Variants in PSG9 observed in about 807,000 individuals in gnomAD.
PSG9 encodes pregnancy specific beta-1-glycoprotein 9, also known as pregnancy-specific beta-1-glycoprotein 9.
A neutral mutation model predicts 41.9 loss-of-function variants in PSG9; 49 were observed. That is an observed-to-expected ratio of 1.17 (90% CI 0.93 to 1.48). PSG9 has a LOEUF of 1.48. Ranked by LOEUF, PSG9 falls within the 40% of genes most tolerant of loss-of-function variation. The pLI is 0.00. For synonymous variants in PSG9, 263 were observed against 196.8 expected (o/e 1.34, Z -2.82); for missense variants, 641 against 520.3 (o/e 1.23, Z -2.26).
At position 43,258,536 on chromosome 19, in the gene PSG9, A is replaced by C. The variant is rs947329010; in HGVS notation, c.989-80T>G. ...CCTGGTCTCTTAAAGGGACACAGTG[A>C]CCCTCTGAGCCAAGACACACCCTCA... On this transcript the variant is annotated intron_variant, in intron 4 of 5. Transcript: ENST00000270077. 467 of 1,498,054 alleles carry C rather than the reference A, an allele frequency of 3.1e-4. 39 individuals carry two copies. The highest frequency in any genetic ancestry group is 3.6e-4 in the Non-Finnish European group (408 of 1,131,286). 92.8% of individuals were successfully genotyped at this position (1,498,054 alleles called of 1,614,324 possible).
At chr19:43,265,809 A>C (rs1442353221) in intron 2 of PSG9, among the ~76,000 whole-genome samples, 6 of 152,280 alleles carry the variant, frequency 3.9e-5, no homozygotes, top group Non-Finnish European at 7.4e-5. Context: ...CACAGGTCAG[A>C]CTGACAAAGG....
Position 43,259,035 on chromosome 19 carries a change from G to C in PSG9, c.810C>G (p.Thr270=), listed in dbSNP as rs1268420418. The C allele has an allele frequency of 1.3e-6, 2 of 1,590,828 alleles. No individual in the cohort carries two copies. The highest frequency in any genetic ancestry group is 1.7e-6 in the Non-Finnish European group (2 of 1,174,506). ...TCTGACCGTTTAGCCACCAAATGTA[G>C]GTGTAGTTCTCACTCTTAGGTTCAC... is the stretch of plus-strand genomic sequence containing the variant. ...FTCEPKSENY[T]YIWWLNGQSL... The change falls in exon 4 of 6, where the codon ACC becomes ACG. Residue 270 remains threonine (T), a synonymous_variant. Coordinates refer to ENST00000270077, the MANE Select transcript of PSG9 (RefSeq NM_002784.5).
At chr19:43,262,453 A>C (rs2072288) in intron 2 of PSG9, among the ~76,000 whole-genome samples, 30,587 of 152,006 alleles carry the variant, frequency 0.2, 3,851 homozygotes, top group East Asian at 0.48. Flanking sequence ...CAACTGCCTG[A>C]CTGGCCCAAC....
chr19:43,261,809 A>G (rs1319692342), intron 3 of PSG9, 51 bp downstream of exon 3: 7 of 1,613,900 alleles, frequency 4.3e-6, no homozygotes, highest in Admixed American at 1.7e-5. Context: ...GCCTCTGGCC[A>G]TGTGTATTTG....
intron 2 of PSG9, among the ~76,000 whole-genome samples, chr19:43,267,393 G>C (rs1410319627): frequency 6.6e-6 from 1 of 152,086 alleles, no homozygotes; most frequent in East Asian, 1.9e-4. Context: ...CAGGGGTCTG[G>C]GGTTGAGGCT....
In PSG9 at chr19:43,261,887, T is replaced by C. The variant is rs1259541614; in HGVS notation, c.682A>G (p.Ser228Gly). 1.9e-6 allele frequency: 3 copies of C among 1,613,940 alleles called. No homozygotes were observed. The highest frequency in any genetic ancestry group is 1.7e-6 in the Non-Finnish European group (2 of 1,179,946). The change falls in exon 3 of 6, where the codon AGT becomes GGT. Residue 228 changes from serine (S) to glycine (G), a missense_variant. Ser to Gly is a moderately conservative substitution (Grantham distance 56). Coordinates refer to ENST00000270077, the MANE Select transcript of PSG9 (RefSeq NM_002784.5). The stretch of plus-strand genomic sequence containing the variant: ...AGGAGATTCAGGGTGACTGGGTCAC[T>C]GCGACTGGCACTCACTGGGTTCCGT... ...EIRNPVSASR[S>G]DPVTLNLLPK...
intron 3 of PSG9, among the ~76,000 whole-genome samples, chr19:43,260,978 C>T (rs1045904941): frequency 3.3e-5 from 5 of 152,130 alleles, no homozygotes; most frequent in Non-Finnish European, 7.4e-5. Context: ...GAATTGAAAT[C>T]CTTTCCTTAA....
At chr19:43,266,843 G>A (rs1968992907) in intron 2 of PSG9, among the ~76,000 whole-genome samples, 2 of 152,044 alleles carry the variant, frequency 1.3e-5, no homozygotes, top group South Asian at 2.1e-4. Context: ...TGTGACTCTG[G>A]TTCAGTGACT....
chr19:43,258,560 C>G, intron 4 of PSG9, 104 bp from the exon 5 acceptor site: 1 of 1,469,506 alleles, frequency 6.8e-7, no homozygotes, highest in African/African-American at 1.5e-5. Flanking sequence ...GACACACCCT[C>G]AAGTCCCAGC....
intron 4 of PSG9, among the ~76,000 whole-genome samples, 197 bp from the exon 5 acceptor site, chr19:43,258,653 C>T (rs1164257608): frequency 1.4e-5 from 2 of 146,170 alleles, no homozygotes; most frequent in Admixed American, 6.8e-5. Flanking sequence ...CCAAGTCTCC[C>T]ATGACAAGAG....
rs534812305 is a variant in PSG9, at chr19:43,265,704, AT to A, written c.430+2079del. Among the ~76,000 whole-genome samples, 459 of 151,996 alleles carry A rather than the reference AT, an allele frequency of 3.0e-3. 4 individuals are homozygous for A. The highest frequency in any genetic ancestry group is 0.011 in the African/African-American group (442 of 41,424). ...CCGACTACAGACCACCATTTCAATA[AT>A]TTTTTTTGTGTGTGTGTGCAGGAGG... On this transcript the variant is annotated intron_variant, in intron 2 of 5. Transcript: ENST00000270077.
At position 43,262,062 on chromosome 19, in the gene PSG9, A is replaced by G. The variant is rs1968746406; in HGVS notation, c.507T>C (p.Cys169=). 6.2e-7 allele frequency: 1 copy of G among 1,613,872 alleles called. No homozygotes were observed. Among genetic ancestry groups the G allele is most frequent in the African/African-American group, 1.3e-5 (1 of 74,886 alleles). ...REAMEAVRLI[C]DPETLDASYL... ...AGCTTGCGTCCAGAGTCTCAGGATC[A>G]CAGATTAAGCGCACAGCCTCCATGG... The change falls in exon 3 of 6, where the codon TGT becomes TGC. Residue 169 remains cysteine, a synonymous_variant. Coordinates refer to ENST00000270077, the MANE Select transcript of PSG9 (RefSeq NM_002784.5).
At chr19:43,266,675 A>C (rs1275675823) in intron 2 of PSG9, among the ~76,000 whole-genome samples, 1 of 151,522 alleles carries the variant, frequency 6.6e-6, no homozygotes, top group Non-Finnish European at 1.5e-5. Flanking sequence ...ATTTGCTCTC[A>C]CTCCTCTGAG....
At position 43,258,154 on chromosome 19, in the gene PSG9, T is replaced by G. The variant is rs764862582; in HGVS notation, c.1243+48A>C. On this transcript the variant is annotated intron_variant, in intron 5 of 5. Transcript: ENST00000270077. ...TCCTGACTCTTCTCTGAAAGCCAGA[T>G]AGACTCCACATAAAACCCTACTGCC... 1.2e-5 allele frequency: 19 copies of G among 1,591,862 alleles called. 4 individuals are homozygous for G. Among genetic ancestry groups the G allele is most frequent in the South Asian group, 7.8e-5 (7 of 89,908 alleles).
intron 1 of PSG9, 128 bp downstream of exon 1, chr19:43,269,240 G>C (rs539099186): frequency 9.4e-6 from 14 of 1,491,480 alleles, no homozygotes; most frequent in South Asian, 8.1e-5. Context: ...TCCTGATCTC[G>C]TGATCCACCC....
At chr19:43,267,245 C>T (rs1033611454) in intron 2 of PSG9, among the ~76,000 whole-genome samples, 1 of 152,114 alleles carries the variant, frequency 6.6e-6, no homozygotes, top group Non-Finnish European at 1.5e-5. Context: ...GAGGGCTGAG[C>T]CCTGGCTGGT....
chr19:43,261,785 G>A, intron 3 of PSG9, 75 bp downstream of exon 3: 3 of 1,613,778 alleles, frequency 1.9e-6, no homozygotes, highest in South Asian at 2.2e-5. Flanking sequence ...ACCTGAGAGG[G>A]ACTGAGAGGC....
Position 43,253,566 on chromosome 19 carries a change from A to G in PSG9, c.*43T>C. 1.5e-6 allele frequency: 1 copy of G among 675,036 alleles called. No individual in the cohort carries two copies. 41.8% of individuals were successfully genotyped at this position (675,036 alleles called of 1,614,324 possible). A position where few individuals can be genotyped will look rare whatever the true frequency, so the allele number is the denominator to read the frequency against. Reference sequence around the variant, plus strand: ...TTCTTCTTTGTCTTGAATTTCATGAAGGTATCAGCCTGTTCTTTTTCTCAG... The same window carrying G: ...TTCTTCTTTGTCTTGAATTTCATGAGGGTATCAGCCTGTTCTTTTTCTCAG... On this transcript the variant is annotated 3_prime_UTR_variant, in exon 6 of 6. Coordinates refer to ENST00000270077, the MANE Select transcript of PSG9 (RefSeq NM_002784.5).
intron 4 of PSG9, 40 bp from the exon 5 acceptor site, chr19:43,258,496 A>C (rs1206833701): frequency 6.6e-7 from 1 of 1,525,276 alleles, no homozygotes; most frequent in Non-Finnish European, 8.7e-7. Flanking sequence ...ATGTCATTCG[A>C]GGGAAGGGGA....
Sources: allele counts gnomAD v4.1 joint callset (sites outside exome capture counted in the v4.1 genomes callset), GRCh38; gene constraint gnomAD v4.1.1; transcripts MANE v1.5; gene names NCBI Gene and HGNC (gene_info 2026-07-23, HGNC 2026-07-21).